Variants in MCU observed in about 807,000 individuals in gnomAD.
MCU encodes mitochondrial calcium uniporter.
A neutral mutation model predicts 45.2 loss-of-function variants in MCU; 12 were observed. The ratio of observed to expected loss-of-function variants is 0.27; its 90% CI spans 0.17 to 0.43. The LOEUF (loss-of-function observed/expected upper bound fraction) is 0.43, where lower values mean the gene tolerates loss of function less well. Ranked by LOEUF, MCU falls within the 20% of genes least tolerant of loss-of-function variation. MCU has a pLI of 1.00. For missense variants in MCU, 324 were observed against 436.7 expected (o/e 0.74, Z 2.30); for synonymous variants, 160 against 165.1 (o/e 0.97, Z 0.24).
intron 1 of MCU, among the ~76,000 whole-genome samples, chr10:72,697,965 A>G (rs1842711058): frequency 7.0e-6 from 1 of 142,180 alleles, no homozygotes; most frequent in Non-Finnish European, 1.6e-5. Context: ...TTTTTTTTGG[A>G]GAAACAGTCT....
intron 1 of MCU, among the ~76,000 whole-genome samples, chr10:72,754,323 A>G (rs200131988): frequency 5.9e-5 from 9 of 152,200 alleles, no homozygotes; most frequent in East Asian, 1.9e-4. Flanking sequence ...ATCCAGGTCT[A>G]TTTGAGTCCG....
chr10:72,796,721 T>C (rs1357940676), intron 1 of MCU, among the ~76,000 whole-genome samples: 1 of 127,028 alleles, frequency 7.9e-6, no homozygotes, highest in African/African-American at 2.9e-5. Context: ...AGAGATGGGG[T>C]CTTGCTATGT....
intron 2 of MCU, among the ~76,000 whole-genome samples, chr10:72,855,092 G>A (rs1845267394): frequency 6.6e-6 from 1 of 151,980 alleles, no homozygotes; most frequent in Non-Finnish European, 1.5e-5. Flanking sequence ...AGAAAAATTA[G>A]TATGGTTGTG....
At chr10:72,716,119 TTGTC>T (rs1205551127) in intron 1 of MCU, among the ~76,000 whole-genome samples, 3 of 152,206 alleles carry the variant, frequency 2.0e-5, no homozygotes, top group East Asian at 1.9e-4. Context: ...TGTTTACAGA[TTGTC>T]TGTGGTTGCC....
chr10:72,844,574 A>AT (rs1845093084), intron 2 of MCU, among the ~76,000 whole-genome samples: 1 of 151,736 alleles, frequency 6.6e-6, no homozygotes, highest in South Asian at 2.1e-4. Flanking sequence ...TGTCTCAAAA[A>AT]ATATATATAT....
chr10:72,693,173 AGTGTGTGT>A (rs112298026), intron 1 of MCU: 100 of 799,208 alleles, frequency 1.3e-4, no homozygotes, highest in African/African-American at 1.1e-3. Flanking sequence ...CTCTTGGGTG[AGTGTGTGT>A]GTGTGTGTGT....
At chr10:72,829,407 C>A (rs1306510495) in intron 1 of MCU, among the ~76,000 whole-genome samples, 1 of 149,992 alleles carries the variant, frequency 6.7e-6, no homozygotes, top group Non-Finnish European at 1.5e-5. Context: ...TAACTTTAAT[C>A]TTTGTATCTG....
rs1160353409 is a variant in MCU at position 72,714,345 on chromosome 10, CTTTTTTTT to C, written c.150+22060_150+22067del. Among the ~76,000 whole-genome samples, 78 of 54,752 alleles carry C rather than the reference CTTTTTTTT, an allele frequency of 1.4e-3. 6 individuals carry two copies. The highest frequency in any genetic ancestry group is 4.7e-3 in the African/African-American group (73 of 15,520). 35.9% of individuals were successfully genotyped at this position (54,752 alleles called of 152,430 possible). A position where few individuals can be genotyped will look rare whatever the true frequency, so the allele number is the denominator to read the frequency against. On this transcript the variant is annotated intron_variant, in intron 1 of 7. Coordinates refer to ENST00000373053, the MANE Select transcript of MCU (RefSeq NM_138357.3). ...TTACTTCAGTTCCCCCCGCCCTGGT[CTTTTTTTT>C]TTTTTTTTTTTTTTTAAAGAGATGG...
intron 7 of MCU, among the ~76,000 whole-genome samples, chr10:72,884,733 C>T (rs1845753955): frequency 2.1e-5 from 3 of 146,146 alleles, no homozygotes; most frequent in Non-Finnish European, 4.5e-5. Flanking sequence ...AATAATTTAT[C>T]TAAGATTTTT....
intron 1 of MCU, among the ~76,000 whole-genome samples, chr10:72,771,134 G>A (rs1843801243): frequency 6.6e-6 from 1 of 152,124 alleles, no homozygotes; most frequent in Non-Finnish European, 1.5e-5. Flanking sequence ...GTGCCATGAT[G>A]GTTTGCTGCA....
intron 1 of MCU, among the ~76,000 whole-genome samples, chr10:72,767,752 G>C (rs1027868802): frequency 1.3e-5 from 2 of 152,098 alleles, no homozygotes; most frequent in Non-Finnish European, 2.9e-5. Context: ...TTCCCTTTTT[G>C]GGGGGATGAC....
intron 1 of MCU, among the ~76,000 whole-genome samples, chr10:72,725,055 C>A (rs997443164): frequency 6.7e-6 from 1 of 148,594 alleles, no homozygotes; most frequent in Non-Finnish European, 1.5e-5. Flanking sequence ...CCTCGACTTC[C>A]TGGGTTCAGG....
chr10:72,885,644 T>C, intron 7 of MCU, 101 bp from the exon 8 acceptor site: 1 of 756,604 alleles, frequency 1.3e-6, no homozygotes, highest in Non-Finnish European at 2.3e-6. Flanking sequence ...AGATGATCTC[T>C]CTGACTTATA....
chr10:72,856,579 GGGATATAAATC>G (rs1272908885), intron 2 of MCU, among the ~76,000 whole-genome samples: 1 of 151,864 alleles, frequency 6.6e-6, no homozygotes, highest in Non-Finnish European at 1.5e-5. Context: ...TTGATTAGTA[GGGATATAAATC>G]CTTAGAAGCA....
chr10:72,800,478 A>C (rs935802971), intron 1 of MCU, among the ~76,000 whole-genome samples: 4 of 152,216 alleles, frequency 2.6e-5, no homozygotes, highest in Admixed American at 6.5e-5. Flanking sequence ...AGGATTTTAG[A>C]TAGAGAATAC....
chr10:72,715,275 G>A lies in MCU; in HGVS notation c.150+22974G>A, dbSNP rs552491877. ...GCATGGTTTTTGCTTACTTTGCAAA[G>A]CCATGTAGAGGAGCTTCTTAAGATT... On this transcript the variant is annotated intron_variant, in intron 1 of 7. Transcript: ENST00000373053. 4.5e-3 allele frequency: 2,534 copies of A among 557,434 alleles called. 4 individuals carry two copies. The highest frequency in any genetic ancestry group is 5.4e-3 in the Non-Finnish European group (2,349 of 438,634). 34.5% of individuals were successfully genotyped at this position (557,434 alleles called of 1,614,324 possible).
intron 1 of MCU, among the ~76,000 whole-genome samples, chr10:72,802,238 G>A (rs909876617): frequency 2.6e-5 from 4 of 152,100 alleles, no homozygotes; most frequent in Admixed American, 1.3e-4. Context: ...CCTTTTAAAC[G>A]ATCATCTATC....
intron 1 of MCU, among the ~76,000 whole-genome samples, chr10:72,738,988 A>G (rs1589438680): frequency 6.6e-6 from 1 of 152,266 alleles, no homozygotes; most frequent in East Asian, 1.9e-4. Flanking sequence ...TCTCATTATT[A>G]TATTCAACTA....
At chr10:72,873,308 G>A (rs547878236) in intron 6 of MCU, among the ~76,000 whole-genome samples, 7 of 152,166 alleles carry the variant, frequency 4.6e-5, no homozygotes, top group Non-Finnish European at 8.8e-5. Context: ...GTGAGCGACC[G>A]TGCCCTGCCT....
Sources: allele counts gnomAD v4.1 joint callset (sites outside exome capture counted in the v4.1 genomes callset), GRCh38; gene constraint gnomAD v4.1.1; transcripts MANE v1.5; gene names NCBI Gene and HGNC (gene_info 2026-07-23, HGNC 2026-07-21).